CTTNBP2: variants seen among roughly 807,000 people sequenced by gnomAD.
CTTNBP2 encodes the protein cortactin binding protein 2.
CTTNBP2 carries 108 observed loss-of-function variants against 156.9 expected under a neutral mutation model. The observed-to-expected ratio is 0.69, with a 90% CI of 0.59 to 0.81. The LOEUF is 0.81. Among genes scored for constraint, CTTNBP2 ranks in the 30% least tolerant of loss-of-function variants. The pLI is 0.00. For missense variants in CTTNBP2, 1,924 were observed against 2,035.4 expected (o/e 0.95, Z 1.05); for synonymous variants, 767 against 751.8 (o/e 1.02, Z -0.33).
intron 17 of CTTNBP2, among the ~76,000 whole-genome samples, 159 bp from the exon 18 acceptor site, chr7:117,725,416 C>A (rs1795037053): frequency 6.6e-6 from 1 of 152,112 alleles, no homozygotes. Context: ...GTGAAATTAC[C>A]CAATACAAAA....
chr7:117,792,095 G>C lies in CTTNBP2; in HGVS notation c.1101C>G (p.Gly367=). 1 of 1,614,076 alleles carries C rather than the reference G, an allele frequency of 6.2e-7. No individual in the cohort carries two copies. The highest frequency in any genetic ancestry group is 8.5e-7 in the Non-Finnish European group (1 of 1,180,004). ...GAGGTGGGAAAGCGGGTACAGAAGC[G>C]CCAATCAAGTCACCATAGGAAGCCT... is the stretch of plus-strand genomic sequence containing the variant. ...DRQASYGDLI[G]ASVPAFPPPS... is the part of the protein sequence containing the mutation. The change falls in exon 4 of 23, where the codon GGC becomes GGG. Residue 367 remains glycine, a synonymous_variant. Coordinates refer to ENST00000160373, the MANE Select transcript of CTTNBP2 (RefSeq NM_033427.3). The surrounding 1 kb of genome is among the most constrained non-coding windows in gnomAD (Gnocchi z 4.2).
At position 117,778,961 on chromosome 7, in the gene CTTNBP2, A is replaced by G. The variant is rs185118484; in HGVS notation, c.2524-1196T>C. Among the ~76,000 whole-genome samples the G allele has an allele frequency of 5.3e-5, 8 of 152,316 alleles. No individual in the cohort carries two copies. The East Asian group carries it at 1.4e-3, about 26-fold the overall frequency. On this transcript the variant is annotated intron_variant, in intron 7 of 22. Coordinates refer to ENST00000160373, the MANE Select transcript of CTTNBP2 (RefSeq NM_033427.3). ...GTAGAAGACAGAGAAATAGGCAATA[A>G]ATACGAACAATCTAAATTTGGGCTA... is the stretch of plus-strand genomic sequence containing the variant.
At chr7:117,848,243 G>A (rs1338090593) in intron 2 of CTTNBP2, among the ~76,000 whole-genome samples, 1 of 152,142 alleles carries the variant, frequency 6.6e-6, no homozygotes, top group Non-Finnish European at 1.5e-5. Flanking sequence ...AGCCCCATCT[G>A]CTTCCTGAGA....
intron 2 of CTTNBP2, among the ~76,000 whole-genome samples, chr7:117,848,044 CTT>C (rs2117175057): frequency 6.6e-6 from 1 of 152,136 alleles, no homozygotes; most frequent in African/African-American, 2.4e-5. Context: ...GTCTAGATCT[CTT>C]GATCTCGTGA....
rs188781728 is a variant in CTTNBP2 at position 117,781,035 on chromosome 7, G to A, written c.2373-444C>T. 3.3e-5 allele frequency among the ~76,000 whole-genome samples: 5 copies of A among 152,348 alleles called. 1 individual carries two copies. In the East Asian group the frequency reaches 9.6e-4, roughly 29 times the overall value. ...AATTATAAATAGCATAGACAGCAGG[G>A]CACCATGTGCCTTCTCTATAAAAGG... is the stretch of plus-strand genomic sequence containing the variant. On this transcript the variant is annotated intron_variant, in intron 6 of 22. Transcript: ENST00000160373.
intron 2 of CTTNBP2, among the ~76,000 whole-genome samples, chr7:117,859,321 C>T (rs757882445): frequency 4.6e-5 from 7 of 152,158 alleles, no homozygotes; most frequent in Admixed American, 1.3e-4. Flanking sequence ...CAAGCCTTTA[C>T]GTCTACTCTC....
At chr7:117,797,888 T>C (rs1286182919) in intron 3 of CTTNBP2, among the ~76,000 whole-genome samples, 1 of 151,954 alleles carries the variant, frequency 6.6e-6, no homozygotes, top group African/African-American at 2.4e-5. Context: ...GAAAAATATC[T>C]TGGAAGAAAA....
At chr7:117,854,503 A>G (rs965001079) in intron 2 of CTTNBP2, among the ~76,000 whole-genome samples, 3 of 152,214 alleles carry the variant, frequency 2.0e-5, no homozygotes, top group African/African-American at 7.2e-5. Context: ...CCTTTGTTCT[A>G]TGTCAAGATT....
At position 117,760,494 on chromosome 7, in the gene CTTNBP2, T is replaced by C. The variant is rs144920028; in HGVS notation, c.3113A>G (p.Asn1038Ser). Residue 1038 changes from asparagine (N) to serine (S), a missense_variant, in exon 10 of 23, where the codon AAT becomes AGT. Coordinates refer to ENST00000160373, the MANE Select transcript of CTTNBP2 (RefSeq NM_033427.3). The stretch of plus-strand genomic sequence containing the variant: ...GCCGATGTTGGAATCAGTGGTGTTA[T>C]TGCAAGTCACGTCTTCCAGACTCCA... ...GWWSLEDVTC[N>S]NTTDSNIGLS... 702 of 1,614,176 alleles carry C rather than the reference T, an allele frequency of 4.3e-4. 3 individuals are homozygous for C. Among genetic ancestry groups the C allele is most frequent in the African/African-American group, 1.7e-3 (129 of 75,062 alleles).
chr7:117,851,361 TCCTGTTAATA>T (rs1412692411), intron 2 of CTTNBP2, among the ~76,000 whole-genome samples: 5 of 152,062 alleles, frequency 3.3e-5, no homozygotes, highest in Non-Finnish European at 7.4e-5. Flanking sequence ...TCTATTCAAG[TCCTGTTAATA>T]CCTCCCCACC....
At chr7:117,764,299 C>T (rs983945575) in intron 9 of CTTNBP2, among the ~76,000 whole-genome samples, 2 of 152,142 alleles carry the variant, frequency 1.3e-5, no homozygotes, top group African/African-American at 4.8e-5. Context: ...TGACTCTAGA[C>T]TTCCCATACT....
At chr7:117,854,791 T>A (rs982328126) in intron 2 of CTTNBP2, among the ~76,000 whole-genome samples, 26 of 152,266 alleles carry the variant, frequency 1.7e-4, no homozygotes, top group Non-Finnish European at 2.4e-4. Flanking sequence ...TTAATTTATT[T>A]ATTTATTTTT....
intron 22 of CTTNBP2, among the ~76,000 whole-genome samples, chr7:117,715,005 T>C (rs1304692164): frequency 1.3e-5 from 2 of 152,200 alleles, no homozygotes; most frequent in African/African-American, 4.8e-5. Flanking sequence ...CTAATTTGTG[T>C]AGAAAGGCAC....
At chr7:117,812,610 T>C (rs1260969368) in intron 2 of CTTNBP2, among the ~76,000 whole-genome samples, 1 of 152,152 alleles carries the variant, frequency 6.6e-6, no homozygotes, top group Non-Finnish European at 1.5e-5. Flanking sequence ...CACTTTAAAC[T>C]TAAAAGGTAA....
intron 14 of CTTNBP2, among the ~76,000 whole-genome samples, chr7:117,743,315 A>AATGC (rs1425022050): frequency 1.3e-5 from 2 of 152,162 alleles, no homozygotes; most frequent in East Asian, 1.9e-4. Context: ...AAGTTGAAAA[A>AATGC]ATGCGGGAGA....
intron 2 of CTTNBP2, among the ~76,000 whole-genome samples, chr7:117,829,083 G>A (rs557579396): frequency 1.5e-4 from 23 of 152,142 alleles, no homozygotes; most frequent in African/African-American, 5.1e-4. Flanking sequence ...TCCAAGCTAC[G>A]CCACCCACTT....
At chr7:117,852,514 CT>C (rs1802995892) in intron 2 of CTTNBP2, among the ~76,000 whole-genome samples, 1 of 152,136 alleles carries the variant, frequency 6.6e-6, no homozygotes, top group African/African-American at 2.4e-5. Flanking sequence ...CCAGCATGTT[CT>C]CTCTCATCCT....
chr7:117,736,442 A>C (rs1795712451), intron 14 of CTTNBP2, among the ~76,000 whole-genome samples: 1 of 135,400 alleles, frequency 7.4e-6, no homozygotes, highest in Non-Finnish European at 1.5e-5. Context: ...TGTGTCTAGA[A>C]AAAAAAAAAA....
intron 9 of CTTNBP2, among the ~76,000 whole-genome samples, chr7:117,765,574 A>G (rs1181811472): frequency 6.6e-6 from 1 of 152,130 alleles, no homozygotes; most frequent in Non-Finnish European, 1.5e-5. Context: ...AATCCTGCCA[A>G]CATGTCTGAG....
Sources: gnomAD v4.1 joint callset for allele counts (sites outside exome capture counted in the v4.1 genomes callset) on GRCh38, gnomAD v4.1.1 for gene constraint, Gnocchi (gnomAD v3.1) non-coding constraint, MANE v1.5 for transcripts, NCBI Gene and HGNC (gene_info 2026-07-23, HGNC 2026-07-21) for gene names.